Variants in ADCY2 observed in about 807,000 individuals in gnomAD.
ADCY2 encodes adenylate cyclase 2, also known as adenylate cyclase type 2.
Under a neutral mutation model 125.2 loss-of-function variants are expected in ADCY2, and 31 were observed. The ratio of observed to expected loss-of-function variants is 0.25; its 90% CI spans 0.19 to 0.33. ADCY2 has a LOEUF of 0.33. Ranked by LOEUF, ADCY2 falls within the 10% of genes least tolerant of loss-of-function variation. The probability of loss-of-function intolerance (pLI) is 1.00; values close to 1 mark genes in which losing one functional copy is unlikely to be tolerated. For missense variants in ADCY2, 904 were observed against 1,418.2 expected (o/e 0.64, Z 5.82); for synonymous variants, 512 against 548.4 (o/e 0.93, Z 0.93).
intron 2 of ADCY2, among the ~76,000 whole-genome samples, chr5:7,425,828 G>C (rs114707104): frequency 0.023 from 3,537 of 152,088 alleles, 135 homozygotes; most frequent in African/African-American, 0.08. Context: ...TTTTTTTCTT[G>C]CTCTCTACAT....
chr5:7,517,338 A>C (rs1045678943), intron 2 of ADCY2, among the ~76,000 whole-genome samples: 1 of 152,214 alleles, frequency 6.6e-6, no homozygotes, highest in Non-Finnish European at 1.5e-5. Context: ...GGTAACATGG[A>C]AACCCAAGAG....
intron 19 of ADCY2, among the ~76,000 whole-genome samples, chr5:7,786,966 G>C (rs565372154): frequency 2.0e-5 from 3 of 152,292 alleles, no homozygotes; most frequent in Admixed American, 2.0e-4. Flanking sequence ...GAGAGCCCCA[G>C]CAGGGAGGGT....
At chr5:7,579,167 C>A (rs1030392571) in intron 3 of ADCY2, among the ~76,000 whole-genome samples, 3 of 152,096 alleles carry the variant, frequency 2.0e-5, no homozygotes, top group Non-Finnish European at 4.4e-5. Flanking sequence ...TAAAACAAAA[C>A]CACCTGAAGG....
chr5:7,722,400 A>C (rs1422569757), intron 12 of ADCY2, among the ~76,000 whole-genome samples: 1 of 152,110 alleles, frequency 6.6e-6, no homozygotes, highest in Admixed American at 6.5e-5. Flanking sequence ...TTTTTTTCTC[A>C]GTAAAGGAAA....
chr5:7,579,186 A>C (rs1736345829), intron 3 of ADCY2, among the ~76,000 whole-genome samples: 1 of 152,202 alleles, frequency 6.6e-6, no homozygotes, highest in Non-Finnish European at 1.5e-5. Flanking sequence ...GGCACTGGAA[A>C]GTGGCCCAAA....
At chr5:7,707,666 C>T (rs1479244992) in intron 8 of ADCY2, 40 bp from the exon 9 acceptor site, 3 of 1,605,914 alleles carry the variant, frequency 1.9e-6, no homozygotes, top group Middle Eastern at 1.7e-4. Flanking sequence ...TCACACTTAT[C>T]CTTTTATGTC....
intron 16 of ADCY2, among the ~76,000 whole-genome samples, chr5:7,765,177 T>G (rs974951721): frequency 1.3e-5 from 2 of 152,228 alleles, no homozygotes; most frequent in Admixed American, 1.3e-4. Context: ...ATAGGTGATA[T>G]ATAATCAAGA....
intron 3 of ADCY2, among the ~76,000 whole-genome samples, chr5:7,561,950 A>G (rs1263601373): frequency 6.6e-6 from 1 of 152,188 alleles, no homozygotes; most frequent in Non-Finnish European, 1.5e-5. Context: ...CGTATTGCAC[A>G]TTTAGCATTG....
intron 4 of ADCY2, among the ~76,000 whole-genome samples, chr5:7,644,337 A>G (rs1282037651): frequency 6.6e-6 from 1 of 152,036 alleles, no homozygotes; most frequent in East Asian, 1.9e-4. Context: ...GGGAAAAACT[A>G]TTCTTGAGGC....
intron 2 of ADCY2, among the ~76,000 whole-genome samples, chr5:7,415,997 G>T (rs1038181900): frequency 6.6e-6 from 1 of 152,138 alleles, no homozygotes; most frequent in Non-Finnish European, 1.5e-5. Context: ...GAAAGGAATA[G>T]AGGAGCCATG....
At chr5:7,424,076 A>C (rs1740303626) in intron 2 of ADCY2, among the ~76,000 whole-genome samples, 1 of 152,246 alleles carries the variant, frequency 6.6e-6, no homozygotes, top group South Asian at 2.1e-4. Flanking sequence ...ACAAATAAAA[A>C]TAAATACTCT....
chr5:7,754,730 C>CAAAA (rs113861336), intron 15 of ADCY2, among the ~76,000 whole-genome samples: 1 of 151,636 alleles, frequency 6.6e-6, no homozygotes, highest in African/African-American at 2.4e-5. Flanking sequence ...AACAAACAAA[C>CAAAA]AAAAAAAACT....
chr5:7,416,517 A>G (rs1390926674), intron 2 of ADCY2, among the ~76,000 whole-genome samples: 2 of 152,210 alleles, frequency 1.3e-5, no homozygotes, highest in African/African-American at 4.8e-5. Context: ...ACAAAATACT[A>G]CATAACAATA....
At chr5:7,705,186 C>CAG (rs1554033787) in intron 7 of ADCY2, among the ~76,000 whole-genome samples, 1 of 152,194 alleles carries the variant, frequency 6.6e-6, no homozygotes, top group Non-Finnish European at 1.5e-5. Context: ...TGCTCAAAGA[C>CAG]AGAAGCACAG....
In ADCY2 at chr5:7,709,183, G is replaced by C; in HGVS notation, c.1402-28G>C. The C allele has an allele frequency of 6.3e-7, 1 of 1,578,184 alleles. No homozygotes were observed. Among genetic ancestry groups the C allele is most frequent in the East Asian group, 2.3e-5 (1 of 44,192 alleles). ...TCATGTGTGGCCCTGTGCTGTGCCAGGTGTGATGCTTTGTTTCTCACCCCA... is the reference window on the plus strand; with the variant it reads ...TCATGTGTGGCCCTGTGCTGTGCCACGTGTGATGCTTTGTTTCTCACCCCA... On this transcript the variant is annotated intron_variant, in intron 9 of 24. Transcript: ENST00000338316. This position sits in a 1 kb window ranked among gnomAD's most constrained non-coding sequence, Gnocchi z 4.4.
intron 7 of ADCY2, among the ~76,000 whole-genome samples, chr5:7,700,614 T>G (rs1400990507): frequency 6.6e-6 from 1 of 151,906 alleles, no homozygotes; most frequent in Non-Finnish European, 1.5e-5. Context: ...AGTCCTGTTG[T>G]CACTGTGTTG....
intron 4 of ADCY2, among the ~76,000 whole-genome samples, chr5:7,669,774 G>A (rs1319291857): frequency 6.6e-6 from 1 of 152,108 alleles, no homozygotes; most frequent in Non-Finnish European, 1.5e-5. Flanking sequence ...GCCGGCAATG[G>A]GGAACCACTG....
At chr5:7,523,944 A>G (rs1372048136) in intron 3 of ADCY2, among the ~76,000 whole-genome samples, 1 of 152,160 alleles carries the variant, frequency 6.6e-6, no homozygotes, top group Non-Finnish European at 1.5e-5. Flanking sequence ...TTTTTGTTTC[A>G]TTTTATTTCT....
chr5:7,773,072 G>T lies in ADCY2; in HGVS notation c.2355G>T (p.Leu785=). 6.2e-7 allele frequency: 1 copy of T among 1,614,042 alleles called. No homozygotes were observed. The highest frequency in any genetic ancestry group is 1.1e-5 in the South Asian group (1 of 91,066). Residue 785 remains leucine, a synonymous_variant, in exon 18 of 25, where the codon CTG becomes CTT. Coordinates refer to ENST00000338316, the MANE Select transcript of ADCY2 (RefSeq NM_020546.3). ...TILLHTHAHV[L]GDYSQVLFER... is the part of the protein sequence containing the mutation. Reference sequence around the variant, plus strand: ...TACTCCACACCCACGCCCACGTCCTGGGCGACTACAGCCAGGTCTTATTTG... The same window carrying T: ...TACTCCACACCCACGCCCACGTCCTTGGCGACTACAGCCAGGTCTTATTTG...
Sources: gnomAD v4.1 joint callset for allele counts (sites outside exome capture counted in the v4.1 genomes callset) on GRCh38, gnomAD v4.1.1 for gene constraint, Gnocchi (gnomAD v3.1) non-coding constraint, MANE v1.5 for transcripts, NCBI Gene and HGNC (gene_info 2026-07-23, HGNC 2026-07-21) for gene names.